TARBP1: variants seen among roughly 807,000 people sequenced by gnomAD.
TARBP1 encodes the protein tRNA (guanosine(18)-2'-O)-methyltransferase TARBP1.
A neutral mutation model predicts 178.6 loss-of-function variants in TARBP1; 144 were observed. The observed-to-expected ratio is 0.81, with a 90% CI of 0.70 to 0.93. The LOEUF is 0.93. TARBP1 is among the 40% of genes least tolerant of loss of function. The probability of loss-of-function intolerance (pLI) is 0.00; values close to 1 mark genes in which losing one functional copy is unlikely to be tolerated. For synonymous variants in TARBP1, 787 were observed against 781.0 expected, an observed-to-expected ratio of 1.01 and a Z score of -0.13; for missense variants, 2,067 against 2,011.7, an observed-to-expected ratio of 1.03 and a Z score of -0.53.
At chr1:234,432,705 T>G (rs12043269) in intron 14 of TARBP1, among the ~76,000 whole-genome samples, 5 of 151,996 alleles carry the variant, frequency 3.3e-5, no homozygotes, top group Admixed American at 2.6e-4. Flanking sequence ...ATGAGGAAGA[T>G]AGGACACATG....
intron 26 of TARBP1, among the ~76,000 whole-genome samples, chr1:234,396,989 A>G (rs1660002825): frequency 6.6e-6 from 1 of 151,548 alleles, no homozygotes; most frequent in East Asian, 2.0e-4. Flanking sequence ...GGCAGCGTCC[A>G]TTTTCCACTC....
chr1:234,450,010 T>G (rs566499055), intron 10 of TARBP1, among the ~76,000 whole-genome samples: 1 of 152,354 alleles, frequency 6.6e-6, no homozygotes, highest in Non-Finnish European at 1.5e-5. Flanking sequence ...AAATTGTTTT[T>G]CATAATCAGT....
At chr1:234,461,590 A>C (rs549461434) in intron 6 of TARBP1, among the ~76,000 whole-genome samples, 4 of 152,080 alleles carry the variant, frequency 2.6e-5, no homozygotes, top group Non-Finnish European at 5.9e-5. Context: ...TACAGGCGTC[A>C]GCCACCACAC....
chr1:234,478,354 G>C lies in TARBP1; in HGVS notation c.750C>G (p.Arg250=), dbSNP rs1165277457. The change falls in exon 1 of 30, where the codon CGC becomes CGG. Residue 250 remains arginine, a synonymous_variant. Coordinates refer to ENST00000040877, the MANE Select transcript of TARBP1 (RefSeq NM_005646.4). ...LLPEPGGDRA[R]GAREAGPDAR... is the part of the protein sequence containing the mutation. ...CGTCCGGGCCCGCCTCGCGCGCGCC[G>C]CGGGCGCGGTCGCCGCCGGGCTCGG... 2.4e-6 allele frequency: 3 copies of C among 1,269,446 alleles called. No homozygotes were observed. The highest frequency in any genetic ancestry group is 3.0e-6 in the Non-Finnish European group (3 of 1,012,784). The allele number at this position is 1,269,446 out of a possible 1,614,324, so 78.6% of individuals were successfully genotyped here.
At chr1:234,457,051 G>A (rs1381678909) in intron 9 of TARBP1, among the ~76,000 whole-genome samples, 1 of 152,196 alleles carries the variant, frequency 6.6e-6, no homozygotes, top group East Asian at 1.9e-4. Flanking sequence ...AAAGAGGGAG[G>A]AGGCTGGCCC....
intron 26 of TARBP1, chr1:234,398,162 T>C (rs1477602410): frequency 1.3e-5 from 1 of 75,276 alleles, no homozygotes; most frequent in Non-Finnish European, 2.5e-5. Flanking sequence ...TTCCTTTGGC[T>C]TTTTTTTTTT....
chr1:234,421,957 T>C (rs994966861), intron 20 of TARBP1, among the ~76,000 whole-genome samples: 7 of 152,192 alleles, frequency 4.6e-5, no homozygotes, highest in African/African-American at 1.2e-4. Flanking sequence ...TTCATGACAA[T>C]AGCTAAATTA....
chr1:234,403,634 G>A (rs1660922745), intron 24 of TARBP1, among the ~76,000 whole-genome samples: 1 of 152,184 alleles, frequency 6.6e-6, no homozygotes, highest in African/African-American at 2.4e-5. Flanking sequence ...ATCCCAAGGA[G>A]GTATGCAATC....
chr1:234,442,146 C>T (rs908930412), intron 12 of TARBP1, among the ~76,000 whole-genome samples: 8 of 152,032 alleles, frequency 5.3e-5, no homozygotes, highest in Admixed American at 3.9e-4. Flanking sequence ...AAATAATAAA[C>T]GAAGGAGAAA....
chr1:234,460,394 T>G lies in TARBP1; in HGVS notation c.1402A>C (p.Ser468Arg). The part of the protein sequence containing the change: ...ISLLPEEIKS[S>R]FLLKFIRKMT... ...TTCCGAATAAACTTCAATAGGAAGCTACCTGAAAGAAAAAGTTTTAAATTA... is the reference window on the plus strand; with the variant it reads ...TTCCGAATAAACTTCAATAGGAAGCGACCTGAAAGAAAAAGTTTTAAATTA... Residue 468 changes from serine to arginine, a missense_variant and splice_region_variant, in exon 7 of 30, where the codon AGC becomes CGC. By Grantham distance (110) the Ser-to-Arg change is moderately radical. Coordinates refer to ENST00000040877, the MANE Select transcript of TARBP1 (RefSeq NM_005646.4). 1 of 1,613,372 alleles carries G rather than the reference T, an allele frequency of 6.2e-7. No individual in the cohort carries two copies. Among genetic ancestry groups the G allele is most frequent in the Non-Finnish European group, 8.5e-7 (1 of 1,179,824 alleles).
At chr1:234,419,687 T>A (rs1265404426) in intron 21 of TARBP1, among the ~76,000 whole-genome samples, 1 of 152,070 alleles carries the variant, frequency 6.6e-6, no homozygotes, top group African/African-American at 2.4e-5. Flanking sequence ...TTCTAAAATG[T>A]TTCCTTTTTT....
At position 234,398,426 on chromosome 1, in the gene TARBP1, T is replaced by C. The variant is rs764651634; in HGVS notation, c.4199A>G (p.Gln1400Arg). The part of the protein sequence containing the change: ...AGFQWYLSQT[Q>R]LSKLKPGDWS... ...GTCACCTGGTTTTAGTTTACTAAGT[T>C]GAGTTTGAGAAAGGTACCACTGAAA... Residue 1400 changes from glutamine to arginine, a missense_variant, in exon 26 of 30, where the codon CAA becomes CGA. Physicochemically the swap from Gln to Arg is conservative, Grantham distance 43. Transcript: ENST00000040877. 1 of 1,611,530 alleles carries C rather than the reference T, an allele frequency of 6.2e-7. No homozygotes were observed. Among genetic ancestry groups the C allele is most frequent in the Non-Finnish European group, 8.5e-7 (1 of 1,178,494 alleles).
intron 22 of TARBP1, among the ~76,000 whole-genome samples, chr1:234,417,775 TCAAA>T (rs777746203): frequency 2.8e-4 from 43 of 152,192 alleles, no homozygotes; most frequent in Non-Finnish European, 4.9e-4. Context: ...ATTTCTAAGA[TCAAA>T]CAAAGACATT....
At chr1:234,411,131 G>A (rs1344447324) in intron 22 of TARBP1, among the ~76,000 whole-genome samples, 1 of 152,006 alleles carries the variant, frequency 6.6e-6, no homozygotes, top group African/African-American at 2.4e-5. Flanking sequence ...GCATCTATGA[G>A]TTCAACCAAC....
chr1:234,463,687 A>G (rs1403600805), intron 6 of TARBP1, 150 bp downstream of exon 6: 1 of 486,234 alleles, frequency 2.1e-6, no homozygotes, highest in Non-Finnish European at 3.7e-6. Flanking sequence ...AAGATACTGT[A>G]TAATTCTGAG....
At chr1:234,456,166 G>T (rs1428056224) in intron 9 of TARBP1, among the ~76,000 whole-genome samples, 2 of 152,116 alleles carry the variant, frequency 1.3e-5, no homozygotes, top group Non-Finnish European at 2.9e-5. Flanking sequence ...CTAAAAAACA[G>T]GTATAAATAA....
chr1:234,471,647 C>G (rs985474108), intron 2 of TARBP1, among the ~76,000 whole-genome samples: 1 of 152,212 alleles, frequency 6.6e-6, no homozygotes, highest in African/African-American at 2.4e-5. Context: ...ACGGCCAGTT[C>G]GGAGTTCCAT....
rs149751773 is a variant in TARBP1, at chr1:234,442,791, G to C, written c.2134+4012C>G. Among the ~76,000 whole-genome samples, 597 of 152,280 alleles carry C rather than the reference G, an allele frequency of 3.9e-3. 2 individuals are homozygous for C. Among genetic ancestry groups the C allele is most frequent in the African/African-American group, 0.013 (545 of 41,552 alleles). On this transcript the variant is annotated intron_variant, in intron 12 of 29. Coordinates refer to ENST00000040877, the MANE Select transcript of TARBP1 (RefSeq NM_005646.4). ...GGGAAAGCTTAGGCCTTGGAGAAGA[G>C]AGAACAAAAAGACTTGAAGAAAAGT...
chr1:234,401,982 C>T lies in TARBP1; in HGVS notation c.3990-720G>A, dbSNP rs564450900. On this transcript the variant is annotated intron_variant, in intron 24 of 29. Transcript: ENST00000040877. ...CTCTTCAAAGGGCAATACCCTGCCC[C>T]GCAACAGATCCCATTCCCCTGGGTT... Among the ~76,000 whole-genome samples the T allele has an allele frequency of 3.2e-4, 48 of 152,292 alleles. No homozygotes were observed. In the East Asian group the frequency reaches 7.1e-3, roughly 23 times the overall value.
Sources: allele counts gnomAD v4.1 joint callset (sites outside exome capture counted in the v4.1 genomes callset), GRCh38; gene constraint gnomAD v4.1.1; transcripts MANE v1.5; gene names NCBI Gene and HGNC (gene_info 2026-07-23, HGNC 2026-07-21).